HMGCS2: variants seen among roughly 807,000 people sequenced by gnomAD.
HMGCS2 encodes hydroxymethylglutaryl-CoA synthase, mitochondrial.
HMGCS2 carries 50 observed loss-of-function variants against 57.4 expected under a neutral mutation model. The observed-to-expected ratio is 0.87, with a 90% confidence interval of 0.69 to 1.10. The LOEUF (loss-of-function observed/expected upper bound fraction) is 1.10. Ranked by LOEUF, HMGCS2 falls within the 50% of genes least tolerant of loss-of-function variation. The pLI is 0.00. For synonymous variants in HMGCS2, 254 were observed against 245.1 expected (o/e 1.04, Z -0.34); for missense variants, 627 against 636.5 (o/e 0.99, Z 0.16).
At chr1:119,752,891 T>C (rs899505165) in intron 7 of HMGCS2, among the ~76,000 whole-genome samples, 10 of 152,208 alleles carry the variant, frequency 6.6e-5, no homozygotes, top group Non-Finnish European at 1.3e-4. Context: ...TGCCACATAG[T>C]ACTTAAATGC....
At chr1:119,757,103 C>A (rs1652866895) in intron 5 of HMGCS2, among the ~76,000 whole-genome samples, 170 bp downstream of exon 5, 1 of 152,130 alleles carries the variant, frequency 6.6e-6, no homozygotes, top group Admixed American at 6.5e-5. Context: ...AGGGCCCTAC[C>A]CAGACAATAA....
At chr1:119,755,071 C>T (rs1652790541) in intron 6 of HMGCS2, among the ~76,000 whole-genome samples, 1 of 151,928 alleles carries the variant, frequency 6.6e-6, no homozygotes, top group Non-Finnish European at 1.5e-5. Context: ...GGTTGGAGTC[C>T]AATGACACAA....
At chr1:119,768,645 T>A (rs1290745375) in intron 1 of HMGCS2, 96 bp downstream of exon 1, 3 of 923,260 alleles carry the variant, frequency 3.2e-6, no homozygotes, top group Non-Finnish European at 5.3e-6. Context: ...GCACAAGCCT[T>A]GCCAAATTTT....
At chr1:119,756,564 A>T (rs773832313) in intron 5 of HMGCS2, among the ~76,000 whole-genome samples, 1 of 152,242 alleles carries the variant, frequency 6.6e-6, no homozygotes, top group Non-Finnish European at 1.5e-5. Context: ...TGAAATAAAC[A>T]GGTACCAAGA....
chr1:119,764,661 G>C lies in HMGCS2; in HGVS notation c.105-35C>G, dbSNP rs1195126364. The C allele has an allele frequency of 2.1e-6, 3 of 1,457,880 alleles. No homozygotes were observed. The South Asian group carries it at 3.5e-5, about 17-fold the overall frequency. The allele number at this position is 1,457,880 out of a possible 1,614,324, so 90.3% of individuals were successfully genotyped here. A position where few individuals can be genotyped will look rare whatever the true frequency, so the allele number is the denominator to read the frequency against. ...AGATAACAGTCAAACTCCCACTAAT[G>C]GTCTGTAGACAATTTCCTCAAAAGA... On this transcript the variant is annotated intron_variant, in intron 1 of 9. Coordinates refer to ENST00000369406, the MANE Select transcript of HMGCS2 (RefSeq NM_005518.4).
intron 1 of HMGCS2, 133 bp downstream of exon 1, chr1:119,768,608 G>A (rs1417788009): frequency 5.6e-6 from 4 of 713,298 alleles, no homozygotes. Flanking sequence ...ACCCTTTAAA[G>A]TTAACTTGCT....
intron 4 of HMGCS2, among the ~76,000 whole-genome samples, chr1:119,758,472 A>C (rs1400621429): frequency 6.6e-6 from 1 of 152,122 alleles, no homozygotes; most frequent in Non-Finnish European, 1.5e-5. Flanking sequence ...TCCTGGGTTC[A>C]AGCAATCCTC....
At chr1:119,756,058 C>T (rs1652830080) in intron 5 of HMGCS2, among the ~76,000 whole-genome samples, 1 of 152,152 alleles carries the variant, frequency 6.6e-6, no homozygotes, top group African/African-American at 2.4e-5. Flanking sequence ...CTTTTAAACA[C>T]ATGGGATTAC....
In HMGCS2 at chr1:119,762,066, G is replaced by A. The variant is rs587723076; in HGVS notation, c.560-2077C>T. Reference sequence around the variant, plus strand: ...CAATACAATGCCAAAAGTATACAAAGCTATTGTACAATGTTCATTAAAACT... The same window carrying A: ...CAATACAATGCCAAAAGTATACAAAACTATTGTACAATGTTCATTAAAACT... On this transcript the variant is annotated intron_variant, in intron 2 of 9. Transcript: ENST00000369406. Among the ~76,000 whole-genome samples the A allele has an allele frequency of 7.2e-5, 11 of 152,194 alleles. No homozygotes were observed. The East Asian group carries it at 2.1e-3, about 29-fold the overall frequency.
intron 3 of HMGCS2, 173 bp from the exon 4 acceptor site, chr1:119,759,455 A>T (rs988807608): frequency 1.4e-6 from 1 of 693,766 alleles, no homozygotes; most frequent in African/African-American, 1.8e-5. Context: ...GGTTGTTGGT[A>T]TTACAAAAAT....
rs509184 is a variant in HMGCS2 at position 119,749,398 on chromosome 1, T to G, written c.*6-557A>C. Reference sequence around the variant, plus strand: ...AACCTCTCTCTCTCCCTTTCCCCCCTCCCTCCCTATTTCTCCCACTCTTCT... The same window carrying G: ...AACCTCTCTCTCTCCCTTTCCCCCCGCCCTCCCTATTTCTCCCACTCTTCT... On this transcript the variant is annotated intron_variant, in intron 9 of 9. Transcript: ENST00000369406. Among the ~76,000 whole-genome samples, 13 of 96,102 alleles carry G rather than the reference T, an allele frequency of 1.4e-4. No individual in the cohort carries two copies. The South Asian group carries it at 4.8e-3, about 36-fold the overall frequency. The allele number at this position is 96,102 out of a possible 152,430, so 63.0% of individuals were successfully genotyped here. A position where few individuals can be genotyped will look rare whatever the true frequency, so the allele number is the denominator to read the frequency against.
intron 2 of HMGCS2, among the ~76,000 whole-genome samples, chr1:119,760,884 A>C (rs1029383707): frequency 3.3e-5 from 5 of 152,070 alleles, no homozygotes; most frequent in African/African-American, 7.2e-5. Flanking sequence ...ACAGATGAAG[A>C]AACTGAGGGC....
intron 5 of HMGCS2, among the ~76,000 whole-genome samples, chr1:119,755,895 GTGTATA>G (rs780519286): frequency 3.7e-5 from 1 of 27,262 alleles, no homozygotes; most frequent in African/African-American, 7.9e-5. Flanking sequence ...TAGTGTGTGT[GTGTATA>G]TATATATATA....
chr1:119,760,926 C>T (rs1653016119), intron 2 of HMGCS2, among the ~76,000 whole-genome samples: 1 of 152,048 alleles, frequency 6.6e-6, no homozygotes, highest in Admixed American at 6.6e-5. Context: ...CCAAAAACCA[C>T]ATAGCTAATA....
intron 5 of HMGCS2, 53 bp downstream of exon 5, chr1:119,757,220 T>A: frequency 1.2e-6 from 2 of 1,613,184 alleles, no homozygotes; most frequent in Admixed American, 3.3e-5. Flanking sequence ...TGAAGAAGCC[T>A]CCTTCTTGCT....
intron 6 of HMGCS2, among the ~76,000 whole-genome samples, 181 bp downstream of exon 6, chr1:119,755,246 G>A (rs376570313): frequency 2.6e-5 from 4 of 152,136 alleles, no homozygotes; most frequent in African/African-American, 9.7e-5. Context: ...AGGTTCAGGC[G>A]ATCTGCCCGC....
In HMGCS2 at chr1:119,753,614, C is replaced by T. The variant is rs141951474; in HGVS notation, c.1188-228G>A. Among the ~76,000 whole-genome samples, 1,467 of 152,136 alleles carry T rather than the reference C, an allele frequency of 9.6e-3. 23 individuals carry two copies. Among genetic ancestry groups the T allele is most frequent in the African/African-American group, 0.033 (1,381 of 41,496 alleles). On this transcript the variant is annotated intron_variant, in intron 6 of 9. Coordinates refer to ENST00000369406, the MANE Select transcript of HMGCS2 (RefSeq NM_005518.4). The stretch of plus-strand genomic sequence containing the variant: ...CAGGCCTTTGTGTAGGAAACCTTGC[C>T]AAAAGGAAAGCAGCTAATATCCAAG...
chr1:119,749,618 A>G (rs1050230412), intron 9 of HMGCS2, among the ~76,000 whole-genome samples: 5 of 152,012 alleles, frequency 3.3e-5, no homozygotes, highest in Admixed American at 2.6e-4. Flanking sequence ...CCCTAACAAC[A>G]TCTGGGCTGC....
Position 119,768,887 on chromosome 1 carries a change from C to A in HMGCS2, c.-43G>T, listed in dbSNP as rs748496437. 6.9e-7 allele frequency: 1 copy of A among 1,459,076 alleles called. No individual in the cohort carries two copies. The highest frequency in any genetic ancestry group is 9.6e-7 in the Non-Finnish European group (1 of 1,041,658). 90.4% of individuals were successfully genotyped at this position (1,459,076 alleles called of 1,614,324 possible). A position where few individuals can be genotyped will look rare whatever the true frequency, so the allele number is the denominator to read the frequency against. On this transcript the variant is annotated 5_prime_UTR_variant, in exon 1 of 10. Transcript: ENST00000369406. ...GAAACCCAGCAGTTCAGAAACCCAG[C>A]AGAAACCTTGAAAGAGATGCCCAGT...
Sources: gnomAD v4.1 joint callset for allele counts (sites outside exome capture counted in the v4.1 genomes callset) on GRCh38, gnomAD v4.1.1 for gene constraint, MANE v1.5 for transcripts, NCBI Gene and HGNC (gene_info 2026-07-23, HGNC 2026-07-21) for gene names.